The following ADRA1B variants were observed in gnomAD, a reference collection of about 807,000 sequenced individuals.
ADRA1B encodes the protein adrenoceptor alpha 1B.
ADRA1B carries 17 observed loss-of-function variants against 17.9 expected under a neutral mutation model. That is an observed-to-expected ratio of 0.95 (90% CI 0.65 to 1.42). The LOEUF is 1.42. Among genes scored for constraint, ADRA1B ranks in the 40% most tolerant of loss-of-function variants. ADRA1B has a pLI of 0.00. For synonymous variants in ADRA1B, 366 were observed against 327.6 expected (o/e 1.12, Z -1.27); for missense variants, 681 against 722.1 (o/e 0.94, Z 0.65).
the ADRA1B span, among the ~76,000 whole-genome samples, chr5:159,984,234 T>A: frequency 6.6e-6 from 1 of 152,124 alleles, no homozygotes; most frequent in African/African-American, 2.4e-5. Context: ...TTATCCACAA[T>A]GGTGACTCCC....
intron 1 of ADRA1B, among the ~76,000 whole-genome samples, chr5:159,878,274 G>A (rs1753823284): frequency 6.6e-6 from 1 of 152,202 alleles, no homozygotes; most frequent in Non-Finnish European, 1.5e-5. Flanking sequence ...GAAAGCACAT[G>A]AGGGCTGAGC....
intron 1 of ADRA1B, among the ~76,000 whole-genome samples, chr5:159,949,263 A>T (rs1314841382): frequency 6.6e-6 from 1 of 152,206 alleles, no homozygotes; most frequent in East Asian, 1.9e-4. Flanking sequence ...ATTGTTCATT[A>T]GGGAAAAATG....
At chr5:159,927,186 A>G (rs982668040) in intron 1 of ADRA1B, among the ~76,000 whole-genome samples, 1 of 152,004 alleles carries the variant, frequency 6.6e-6, no homozygotes, top group African/African-American at 2.4e-5. Context: ...CCCATTGCCA[A>G]TTGGCCCTTA....
At chr5:159,911,003 G>A (rs1273423027) in intron 1 of ADRA1B, among the ~76,000 whole-genome samples, 1 of 152,180 alleles carries the variant, frequency 6.6e-6, no homozygotes, top group Non-Finnish European at 1.5e-5. Context: ...CAATACCAAG[G>A]AAGCTTGGGA....
At chr5:159,929,067 C>T (rs1439175198) in intron 1 of ADRA1B, 5 of 152,130 alleles carry the variant, frequency 3.3e-5, no homozygotes, top group African/African-American at 9.7e-5. Context: ...TCCATTGTTT[C>T]GCGGACCCCT....
At chr5:159,882,300 T>C (rs1753872181) in intron 1 of ADRA1B, among the ~76,000 whole-genome samples, 1 of 152,084 alleles carries the variant, frequency 6.6e-6, no homozygotes, top group African/African-American at 2.4e-5. Flanking sequence ...AAAGAGGAGG[T>C]AGCAGGAAAG....
At chr5:159,919,121 G>A (rs1754408872) in intron 1 of ADRA1B, among the ~76,000 whole-genome samples, 1 of 152,150 alleles carries the variant, frequency 6.6e-6, no homozygotes, top group Non-Finnish European at 1.5e-5. Context: ...GAAAGAAAAA[G>A]ATTTTCAAAA....
chr5:159,931,462 C>A (rs1754803009), intron 1 of ADRA1B, among the ~76,000 whole-genome samples: 2 of 151,688 alleles, frequency 1.3e-5, no homozygotes, highest in Admixed American at 1.3e-4. Flanking sequence ...TGCTCATTCC[C>A]CCAGTTCAAA....
intron 1 of ADRA1B, among the ~76,000 whole-genome samples, chr5:159,874,615 T>C (rs1753783170): frequency 6.6e-6 from 1 of 152,218 alleles, no homozygotes; most frequent in South Asian, 2.1e-4. Flanking sequence ...TCTGAAGTCT[T>C]GCAACAAAGG....
rs555050722 is a variant in ADRA1B at position 159,971,033 on chromosome 5, C to T, written c.950-846C>T. 3.6e-4 allele frequency among the ~76,000 whole-genome samples: 55 copies of T among 152,306 alleles called. 1 individual carries two copies. The highest frequency in any genetic ancestry group is 1.3e-3 in the African/African-American group (55 of 41,558). ...CCCCGGCTGGTCTCAATCCCTTGGG[C>T]TCAAGTGATCCTCCTGCCTTGGTCT... On this transcript the variant is annotated intron_variant, in intron 1 of 1. Coordinates refer to ENST00000306675, the MANE Select transcript of ADRA1B (RefSeq NM_000679.4).
intron 1 of ADRA1B, among the ~76,000 whole-genome samples, 154 bp from the exon 2 acceptor site, chr5:159,971,725 G>A (rs1482002602): frequency 6.6e-6 from 1 of 152,200 alleles, no homozygotes; most frequent in African/African-American, 2.4e-5. Flanking sequence ...AATGCAAAGG[G>A]AAGTATTCCG....
the ADRA1B span, among the ~76,000 whole-genome samples, chr5:159,982,075 T>G: frequency 5.3e-5 from 8 of 152,188 alleles, no homozygotes; most frequent in Non-Finnish European, 7.4e-5. Context: ...CATCATTCTA[T>G]GAGAAAGTTC....
chr5:159,903,850 G>C (rs892433339), intron 1 of ADRA1B, among the ~76,000 whole-genome samples: 1 of 152,056 alleles, frequency 6.6e-6, no homozygotes, highest in South Asian at 2.1e-4. Context: ...GGGAGGGTCC[G>C]CCTGGGCCCG....
chr5:159,970,544 C>T (rs770005810), intron 1 of ADRA1B, among the ~76,000 whole-genome samples: 1 of 152,188 alleles, frequency 6.6e-6, no homozygotes, highest in Non-Finnish European at 1.5e-5. Context: ...TGAGCCCCCT[C>T]ATATATGAAC....
At chr5:159,872,864 C>T (rs1385478067) in intron 1 of ADRA1B, among the ~76,000 whole-genome samples, 1 of 152,082 alleles carries the variant, frequency 6.6e-6, no homozygotes, top group African/African-American at 2.4e-5. Context: ...CCTATCAACC[C>T]ATCATCTAGG....
At chr5:159,878,082 C>T (rs917470771) in intron 1 of ADRA1B, among the ~76,000 whole-genome samples, 4 of 152,186 alleles carry the variant, frequency 2.6e-5, no homozygotes, top group African/African-American at 7.2e-5. Flanking sequence ...CAGGGCTGAA[C>T]GAGGCCCAAG....
intron 1 of ADRA1B, among the ~76,000 whole-genome samples, chr5:159,938,163 C>T (rs762335769): frequency 1.3e-5 from 2 of 152,138 alleles, no homozygotes; most frequent in Non-Finnish European, 2.9e-5. Context: ...AACGAATTAA[C>T]TCTTGGTTTT....
At chr5:159,965,157 C>T (rs761773395) in intron 1 of ADRA1B, among the ~76,000 whole-genome samples, 12 of 152,174 alleles carry the variant, frequency 7.9e-5, no homozygotes, top group Non-Finnish European at 1.6e-4. Context: ...TTGAACAGGT[C>T]GTGGTGGCCA....
At chr5:159,929,076 C>T (rs1754734332) in intron 1 of ADRA1B, 1 of 152,120 alleles carries the variant, frequency 6.6e-6, no homozygotes, top group African/African-American at 2.4e-5. Context: ...TCGCGGACCC[C>T]TTTGGCAATC....
Sources: gnomAD v4.1 joint callset for allele counts (sites outside exome capture counted in the v4.1 genomes callset) on GRCh38, gnomAD v4.1.1 for gene constraint, MANE v1.5 for transcripts, NCBI Gene and HGNC (gene_info 2026-07-23, HGNC 2026-07-21) for gene names.